The following TIMD4 variants were observed in gnomAD, a reference collection of about 807,000 sequenced individuals.
TIMD4 encodes the protein T-cell immunoglobulin and mucin domain-containing protein 4.
TIMD4 carries 31 observed loss-of-function variants against 41.2 expected under a neutral mutation model. The ratio of observed to expected loss-of-function variants is 0.75; its 90% CI spans 0.57 to 1.01. The LOEUF is 1.01. Among genes scored for constraint, TIMD4 ranks in the 50% least tolerant of loss-of-function variants. The probability of loss-of-function intolerance (pLI) is 0.00; values close to 1 mark genes in which losing one functional copy is unlikely to be tolerated. For synonymous variants in TIMD4, 204 were observed against 177.1 expected (o/e 1.15, Z -1.21); for missense variants, 479 against 472.5 (o/e 1.01, Z -0.13).
chr5:156,942,620 C>T (rs1759669199), intron 5 of TIMD4, among the ~76,000 whole-genome samples: 1 of 152,194 alleles, frequency 6.6e-6, no homozygotes, highest in Non-Finnish European at 1.5e-5. Context: ...TAGAATTTGC[C>T]ACACTAAGTA....
intron 5 of TIMD4, among the ~76,000 whole-genome samples, chr5:156,936,745 C>T (rs978990343): frequency 4.0e-5 from 6 of 150,806 alleles, no homozygotes; most frequent in East Asian, 1.9e-4. Context: ...GGTGAAACCC[C>T]GTCTCTACAA....
At chr5:156,949,213 A>T (rs1448454036) in intron 4 of TIMD4, among the ~76,000 whole-genome samples, 1 of 152,198 alleles carries the variant, frequency 6.6e-6, no homozygotes, top group African/African-American at 2.4e-5. Context: ...AAGAGTGACC[A>T]ATTCTCGCTC....
rs370537721 is a variant in TIMD4 at position 156,963,206 on chromosome 5, G to C, written c.-8C>G. ...GAGAGGTTCTTTGGACATTTTGACG[G>C]TTGACCGGACCCAGGAGTCTGTCTA... On this transcript the variant is annotated 5_prime_UTR_variant, in exon 1 of 9. Coordinates refer to ENST00000274532, the MANE Select transcript of TIMD4 (RefSeq NM_138379.3). 1.9e-4 allele frequency: 299 copies of C among 1,613,952 alleles called. No homozygotes were observed. Among genetic ancestry groups the C allele is most frequent in the Non-Finnish European group, 2.5e-4 (291 of 1,179,956 alleles).
intron 5 of TIMD4, among the ~76,000 whole-genome samples, chr5:156,938,196 G>A (rs1027786906): frequency 1.1e-4 from 16 of 152,182 alleles, no homozygotes; most frequent in African/African-American, 3.4e-4. Context: ...ACCTAAGGAC[G>A]AGTGCTCACT....
chr5:156,921,544 CA>C (rs1053568551), intron 7 of TIMD4, among the ~76,000 whole-genome samples: 28 of 141,478 alleles, frequency 2.0e-4, no homozygotes, highest in African/African-American at 7.2e-4. Flanking sequence ...CACTTGAACC[CA>C]GGAGGCGGAG....
chr5:156,948,548 T>C (rs1440212443), intron 4 of TIMD4, 49 bp from the exon 5 acceptor site: 33 of 1,352,418 alleles, frequency 2.4e-5, no homozygotes, highest in Admixed American at 4.8e-5. Context: ...TAAATGCTTG[T>C]CTTCCTGCTT....
intron 2 of TIMD4, among the ~76,000 whole-genome samples, chr5:156,952,999 C>T (rs1057103241): frequency 6.6e-6 from 1 of 152,350 alleles, no homozygotes; most frequent in East Asian, 1.9e-4. Context: ...ATTTGAGCTT[C>T]ATTAGCTACC....
At position 156,930,027 on chromosome 5, in the gene TIMD4, G is replaced by A. The variant is rs543877285; in HGVS notation, c.845-3715C>T. ...GCTCGGTCACCCAGGCTGCAGTGCA[G>A]TGGCACGATCTTGGCTCGCTGCAAC... On this transcript the variant is annotated intron_variant, in intron 5 of 8. Transcript: ENST00000274532. 2.6e-5 allele frequency among the ~76,000 whole-genome samples: 4 copies of A among 152,272 alleles called. No individual in the cohort carries two copies. The East Asian group carries it at 7.7e-4, about 29-fold the overall frequency.
At chr5:156,940,714 C>A (rs890606993) in intron 5 of TIMD4, among the ~76,000 whole-genome samples, 8 of 151,786 alleles carry the variant, frequency 5.3e-5, no homozygotes, top group Admixed American at 1.3e-4. Flanking sequence ...CCCCTCCGCC[C>A]GGCAGCCGCC....
intron 5 of TIMD4, among the ~76,000 whole-genome samples, chr5:156,947,963 C>G (rs1581627254): frequency 6.6e-6 from 1 of 152,020 alleles, no homozygotes; most frequent in Non-Finnish European, 1.5e-5. Flanking sequence ...GGTGGTTTTC[C>G]TACTATCATT....
intron 5 of TIMD4, among the ~76,000 whole-genome samples, chr5:156,944,094 A>T (rs998617468): frequency 6.6e-6 from 1 of 151,906 alleles, no homozygotes; most frequent in Non-Finnish European, 1.5e-5. Flanking sequence ...AATAAAATTA[A>T]TCCCATAGGC....
chr5:156,961,469 A>C (rs901869814), intron 1 of TIMD4, among the ~76,000 whole-genome samples: 1 of 152,234 alleles, frequency 6.6e-6, no homozygotes, highest in East Asian at 1.9e-4. Context: ...AAGATATAGA[A>C]GCAACCTACG....
In TIMD4 at chr5:156,922,204, G is replaced by T. The variant is rs148251590; in HGVS notation, c.907C>A (p.Pro303Thr). 1 of 1,613,334 alleles carries T rather than the reference G, an allele frequency of 6.2e-7. No homozygotes were observed. The highest frequency in any genetic ancestry group is 1.3e-5 in the African/African-American group (1 of 74,884). Residue 303 changes from proline (P) to threonine (T), a missense_variant, in exon 7 of 9, where the codon CCC (proline) becomes ACC (threonine). Pro to Thr is a conservative substitution (Grantham distance 38, BLOSUM62 -1). Coordinates refer to ENST00000274532, the MANE Select transcript of TIMD4 (RefSeq NM_138379.3). ...GGCATTTCATTCTTCATTGACATGG[G>T]TATTCCATCCATCTGATGGGACACA... Reference protein sequence around the residue: ...TTKTGQMDGIPMSMKNEMPIS... With the variant: ...TTKTGQMDGITMSMKNEMPIS...
chr5:156,954,459 C>A lies in TIMD4; in HGVS notation c.356G>T (p.Trp119Leu). Residue 119 changes from tryptophan (W) to leucine (L), a missense_variant, in exon 2 of 9, where the codon TGG (tryptophan) becomes TTG (leucine). Trp to Leu is a moderately conservative substitution (Grantham distance 61). Transcript: ENST00000274532. ...VYCCRIEVPG[W>L]FNDVKINVRL... ...CACGTTTATCTTTACATCGTTGAAC[C>A]AGCCAGGCACTTCTATGCGGCAGCA... 1 of 1,614,178 alleles carries A rather than the reference C, an allele frequency of 6.2e-7. No individual in the cohort carries two copies. Among genetic ancestry groups the A allele is most frequent in the Non-Finnish European group, 8.5e-7 (1 of 1,180,038 alleles).
chr5:156,954,719 C>A lies in TIMD4; in HGVS notation c.96G>T (p.Leu32Phe), dbSNP rs78049795. ...VTSETVVTEV[L>F]GHRVTLPCLY... Reference sequence around the variant, plus strand: ...GACAGGGCAAAGTCACCCGGTGACCCAAAACCTCCGTCACAACAGTCTCTG... The same window carrying A: ...GACAGGGCAAAGTCACCCGGTGACCAAAAACCTCCGTCACAACAGTCTCTG... The change falls in exon 2 of 9, where the codon TTG (leucine) becomes TTT (phenylalanine). Residue 32 changes from leucine (L) to phenylalanine (F), a missense_variant. Leu to Phe is a conservative substitution (Grantham distance 22). Coordinates refer to ENST00000274532, the MANE Select transcript of TIMD4 (RefSeq NM_138379.3). 1.2e-6 allele frequency: 2 copies of A among 1,613,510 alleles called. No individual in the cohort carries two copies. The highest frequency in any genetic ancestry group is 2.2e-5 in the East Asian group (1 of 44,866).
chr5:156,946,627 C>A (rs939569746), intron 5 of TIMD4, among the ~76,000 whole-genome samples: 11 of 151,892 alleles, frequency 7.2e-5, no homozygotes, highest in African/African-American at 2.7e-4. Context: ...CGGGCGCCCG[C>A]CACCACGTCC....
At chr5:156,952,820 T>C (rs866897365) in intron 2 of TIMD4, among the ~76,000 whole-genome samples, 52 of 152,352 alleles carry the variant, frequency 3.4e-4, no homozygotes, top group Admixed American at 2.6e-4. Flanking sequence ...ACAAATCCAA[T>C]AACTATCACA....
intron 5 of TIMD4, among the ~76,000 whole-genome samples, chr5:156,944,136 G>C (rs971150075): frequency 1.3e-5 from 2 of 152,058 alleles, no homozygotes; most frequent in African/African-American, 4.8e-5. Flanking sequence ...TAGGTATCTT[G>C]AGGTATGAGT....
At chr5:156,937,341 G>A (rs538564986) in intron 5 of TIMD4, among the ~76,000 whole-genome samples, 4 of 152,148 alleles carry the variant, frequency 2.6e-5, no homozygotes, top group African/African-American at 7.2e-5. Flanking sequence ...ACCAAAGGGC[G>A]TTTGTACCTT....
Sources: gnomAD v4.1 joint callset for allele counts (sites outside exome capture counted in the v4.1 genomes callset) on GRCh38, gnomAD v4.1.1 for gene constraint, MANE v1.5 for transcripts, NCBI Gene and HGNC (gene_info 2026-07-23, HGNC 2026-07-21) for gene names.